The following SPEF2 variants were observed in gnomAD, a reference collection of about 807,000 sequenced individuals.
The protein encoded by SPEF2 is sperm flagellar and cilia associated 2, also known as sperm flagella and cilia-associated protein 2.
SPEF2 carries 187 observed loss-of-function variants against 224.6 expected under a neutral mutation model. That is an observed-to-expected ratio of 0.83 (90% CI 0.74 to 0.94). The LOEUF is 0.94. SPEF2 is among the 40% of genes least tolerant of loss of function. SPEF2 has a pLI of 0.00. For missense variants in SPEF2, 2,170 were observed against 2,135.6 expected (o/e 1.02, Z -0.32); for synonymous variants, 715 against 707.3 (o/e 1.01, Z -0.17).
chr5:35,786,023 T>G (rs1372889491), intron 30 of SPEF2, among the ~76,000 whole-genome samples: 1 of 152,218 alleles, frequency 6.6e-6, no homozygotes, highest in Non-Finnish European at 1.5e-5. Flanking sequence ...TTTGAACTCC[T>G]GTAAAAACCA....
At chr5:35,796,455 C>CAA (rs57602819) in intron 33 of SPEF2, among the ~76,000 whole-genome samples, 3,070 of 151,894 alleles carry the variant, frequency 0.02, 78 homozygotes, top group South Asian at 0.053. Flanking sequence ...ACTAAAAATA[C>CAA]AAAAAAATTA....
chr5:35,794,669 A>G (rs1023632635), intron 32 of SPEF2, among the ~76,000 whole-genome samples: 1 of 152,208 alleles, frequency 6.6e-6, no homozygotes, highest in Non-Finnish European at 1.5e-5. Flanking sequence ...TATTTATTGT[A>G]TGTGGCAATT....
rs1292726162 is a variant in SPEF2, at chr5:35,763,708, C to T, written c.3801+6C>T. 1 of 1,598,938 alleles carries T rather than the reference C, an allele frequency of 6.3e-7. No individual in the cohort carries two copies. On this transcript the variant is annotated splice_donor_region_variant and intron_variant, in intron 26 of 36. Transcript: ENST00000356031. ...CTTTAGCAGTATCTCACATGGTAAGCAGTGCTCGTTATATTTTCTGTTAGT... is the reference window on the plus strand; with the variant it reads ...CTTTAGCAGTATCTCACATGGTAAGTAGTGCTCGTTATATTTTCTGTTAGT...
At chr5:35,774,450 T>C (rs1189991824) in intron 28 of SPEF2, among the ~76,000 whole-genome samples, 1 of 152,172 alleles carries the variant, frequency 6.6e-6, no homozygotes, top group Non-Finnish European at 1.5e-5. Flanking sequence ...GGAAAATAAA[T>C]TTTAACTAAA....
chr5:35,700,802 T>C, intron 16 of SPEF2, 50 bp downstream of exon 16: 1 of 1,584,142 alleles, frequency 6.3e-7, no homozygotes, highest in Non-Finnish European at 8.6e-7. Context: ...AAACTCTTTG[T>C]TCTTTGAATC....
chr5:35,646,130 C>T (rs922585776), intron 4 of SPEF2, among the ~76,000 whole-genome samples: 2 of 152,138 alleles, frequency 1.3e-5, no homozygotes, highest in Non-Finnish European at 1.5e-5. Context: ...AAGAGATGAT[C>T]CAATAATTGT....
chr5:35,670,843 T>G (rs1751142732), intron 10 of SPEF2: 2 of 983,276 alleles, frequency 2.0e-6, no homozygotes, highest in Non-Finnish European at 2.4e-6. Flanking sequence ...TAGATTTCCA[T>G]TTTTCAATTA....
chr5:35,688,519 T>C (rs1580283212), intron 10 of SPEF2, among the ~76,000 whole-genome samples: 1 of 152,154 alleles, frequency 6.6e-6, no homozygotes, highest in Non-Finnish European at 1.5e-5. Flanking sequence ...ATCATATGCT[T>C]TTTTTTATTT....
chr5:35,738,210 T>C (rs920326490), intron 21 of SPEF2, among the ~76,000 whole-genome samples: 1 of 152,170 alleles, frequency 6.6e-6, no homozygotes, highest in Non-Finnish European at 1.5e-5. Context: ...CGAAGCTCTT[T>C]AGTTTAATTA....
chr5:35,708,998 C>G lies in SPEF2; in HGVS notation c.2716C>G (p.Leu906Val). The G allele has an allele frequency of 6.2e-7, 1 of 1,613,416 alleles. No homozygotes were observed. Residue 906 changes from leucine (L) to valine (V), a missense_variant, in exon 19 of 37, where the codon CTG becomes GTG. Transcript: ENST00000356031. ...KEAEKKAAAS[L>V]AELPLPTPPP... ...AGCTGAGAAAAAAGCAGCAGCTTCC[C>G]TGGCTGAGCTTCCACTTCCTACACC... is the stretch of plus-strand genomic sequence containing the variant.
chr5:35,660,843 G>A (rs1749592998), intron 8 of SPEF2, among the ~76,000 whole-genome samples: 2 of 152,146 alleles, frequency 1.3e-5, no homozygotes, highest in African/African-American at 2.4e-5. Context: ...TTCTTGAACT[G>A]GGGTTGAACT....
chr5:35,699,193 A>C (rs1296213660), intron 15 of SPEF2: 1 of 152,170 alleles, frequency 6.6e-6, no homozygotes, highest in Non-Finnish European at 1.5e-5. Context: ...GAAGGATCAC[A>C]TGCAGGCCCC....
chr5:35,715,746 C>G (rs1231242719), intron 20 of SPEF2, among the ~76,000 whole-genome samples: 2 of 151,408 alleles, frequency 1.3e-5, no homozygotes, highest in African/African-American at 4.9e-5. Context: ...TATATTTTTC[C>G]TGACCCTAGT....
chr5:35,634,078 T>G (rs991045415), intron 2 of SPEF2, among the ~76,000 whole-genome samples: 2 of 152,038 alleles, frequency 1.3e-5, no homozygotes, highest in African/African-American at 4.8e-5. Flanking sequence ...TAAACTATTT[T>G]TTATGTTACT....
intron 16 of SPEF2, among the ~76,000 whole-genome samples, chr5:35,702,592 T>G (rs1738873911): frequency 6.6e-6 from 1 of 152,194 alleles, no homozygotes; most frequent in Admixed American, 6.5e-5. Flanking sequence ...ATAATGTTTG[T>G]ATATCTGGGT....
Position 35,704,648 on chromosome 5 carries a change from C to A in SPEF2, c.2493C>A (p.Asp831Glu), listed in dbSNP as rs745713731. Residue 831 changes from aspartate to glutamate, a missense_variant, in exon 17 of 37, where the codon GAC (aspartate) becomes GAA (glutamate). Transcript: ENST00000356031. ...AGGATGGAGACCAAAATTTAAGAGA[C>A]CAGATACAACATAGGTTAGTTTTTA... ...QDKDGDQNLRDQIQHRIIGFL... is the reference protein window; with the variant it reads ...QDKDGDQNLREQIQHRIIGFL... 1.2e-6 allele frequency: 2 copies of A among 1,601,334 alleles called. No homozygotes were observed. The highest frequency in any genetic ancestry group is 1.7e-6 in the Non-Finnish European group (2 of 1,169,170).
intron 18 of SPEF2, among the ~76,000 whole-genome samples, chr5:35,708,546 CCA>C (rs1740288451): frequency 6.6e-6 from 1 of 152,088 alleles, no homozygotes; most frequent in Non-Finnish European, 1.5e-5. Flanking sequence ...ACCACCATCA[CCA>C]CTCCTACCAT....
At chr5:35,726,261 A>G (rs1744639757) in intron 20 of SPEF2, among the ~76,000 whole-genome samples, 1 of 152,210 alleles carries the variant, frequency 6.6e-6, no homozygotes, top group African/African-American at 2.4e-5. Context: ...GAAAAGAAAA[A>G]GAAACTCATT....
At chr5:35,812,037 C>G (rs1194405202) in intron 36 of SPEF2, among the ~76,000 whole-genome samples, 1 of 152,068 alleles carries the variant, frequency 6.6e-6, no homozygotes, top group Non-Finnish European at 1.5e-5. Flanking sequence ...ATCCGCCCAC[C>G]TTGGCCTCCC....
Sources: gnomAD v4.1 joint callset for allele counts (sites outside exome capture counted in the v4.1 genomes callset) on GRCh38, gnomAD v4.1.1 for gene constraint, MANE v1.5 for transcripts, NCBI Gene and HGNC (gene_info 2026-07-23, HGNC 2026-07-21) for gene names.